The following VAV2 variants were observed in gnomAD, a reference collection of about 807,000 sequenced individuals.
VAV2 encodes vav guanine nucleotide exchange factor 2.
VAV2 carries 67 observed loss-of-function variants against 132.5 expected under a neutral mutation model. That is an observed-to-expected ratio of 0.51 (90% CI 0.42 to 0.62). The LOEUF (loss-of-function observed/expected upper bound fraction) is 0.62. Among genes scored for constraint, VAV2 ranks in the 20% least tolerant of loss-of-function variants. The pLI is 0.00. For synonymous variants in VAV2, 492 were observed against 443.5 expected (o/e 1.11, Z -1.37); for missense variants, 938 against 1,153.6 (o/e 0.81, Z 2.71).
intron 2 of VAV2, among the ~76,000 whole-genome samples, chr9:133,913,311 C>G (rs1338860500): frequency 1.3e-5 from 2 of 152,144 alleles, no homozygotes; most frequent in East Asian, 1.9e-4. Flanking sequence ...GAGACACACA[C>G]GAAAGGTAAG....
Position 133,763,739 on chromosome 9 carries a change from G to T in VAV2, c.*323C>A. On this transcript the variant is annotated 3_prime_UTR_variant, in exon 30 of 30. Coordinates refer to ENST00000371850, the MANE Select transcript of VAV2 (RefSeq NM_001134398.2). The surrounding 1 kb of genome is among the most constrained non-coding windows in gnomAD (Gnocchi z 6.8). Reference sequence around the variant, plus strand: ...TCCTGAAGGCCATCTCAGTTGGACAGGGGCAGGCGATGGGCCTCTGGCCTC... The same window carrying T: ...TCCTGAAGGCCATCTCAGTTGGACATGGGCAGGCGATGGGCCTCTGGCCTC... 2.6e-6 allele frequency: 1 copy of T among 380,202 alleles called. No homozygotes were observed. The highest frequency in any genetic ancestry group is 4.9e-6 in the Non-Finnish European group (1 of 202,606). The allele number at this position is 380,202 out of a possible 1,614,324, so 23.6% of individuals were successfully genotyped here.
chr9:133,941,264 C>T (rs140689379), intron 1 of VAV2, among the ~76,000 whole-genome samples: 9 of 151,902 alleles, frequency 5.9e-5, no homozygotes, highest in African/African-American at 1.5e-4. Context: ...AAAAATTAGC[C>T]GGGCGTGGTG....
intron 16 of VAV2, 83 bp from the exon 17 acceptor site, chr9:133,785,968 C>G: frequency 1.6e-6 from 2 of 1,248,656 alleles, no homozygotes; most frequent in East Asian, 4.8e-5. Flanking sequence ...CTCGCCTGTG[C>G]AGCATGTGCA....
intron 4 of VAV2, among the ~76,000 whole-genome samples, chr9:133,827,293 CT>C (rs1564384223): frequency 3.8e-4 from 7 of 18,444 alleles, no homozygotes; most frequent in Admixed American, 1.3e-3. Flanking sequence ...AGGCTGACCA[CT>C]GAGTGGGGGC....
intron 1 of VAV2, among the ~76,000 whole-genome samples, chr9:133,985,529 A>T (rs1842833613): frequency 6.6e-6 from 1 of 152,078 alleles, no homozygotes; most frequent in Admixed American, 6.6e-5. Context: ...TGATCTGCCC[A>T]CCTAGGCCTC....
At chr9:133,887,900 G>A (rs887885742) in intron 2 of VAV2, among the ~76,000 whole-genome samples, 1 of 152,032 alleles carries the variant, frequency 6.6e-6, no homozygotes, top group Non-Finnish European at 1.5e-5. Flanking sequence ...AAGACGAGGC[G>A]CATTCACAGC....
chr9:133,874,218 G>C (rs1362795003), intron 2 of VAV2, among the ~76,000 whole-genome samples: 1 of 152,228 alleles, frequency 6.6e-6, no homozygotes, highest in Non-Finnish European at 1.5e-5. Flanking sequence ...CCTGCAGCCT[G>C]CAAGGCCAGT....
chr9:133,914,129 A>G (rs1411716740), intron 2 of VAV2, among the ~76,000 whole-genome samples: 2 of 152,230 alleles, frequency 1.3e-5, no homozygotes, highest in African/African-American at 4.8e-5. Context: ...CAGAAAGGCC[A>G]GCCTCCAAAC....
chr9:133,973,893 C>T (rs1381103402), intron 1 of VAV2, among the ~76,000 whole-genome samples: 10 of 149,926 alleles, frequency 6.7e-5, no homozygotes, highest in African/African-American at 2.4e-4. Context: ...GAAAGAACCT[C>T]GGGGCAGAAA....
At chr9:133,962,329 C>T (rs1360864890) in intron 1 of VAV2, among the ~76,000 whole-genome samples, 1 of 152,146 alleles carries the variant, frequency 6.6e-6, no homozygotes, top group Non-Finnish European at 1.5e-5. Context: ...TCAAGTTGGC[C>T]AGCAGAGTCC....
At chr9:133,829,173 G>A (rs1836167860) in intron 4 of VAV2, among the ~76,000 whole-genome samples, 3 of 152,232 alleles carry the variant, frequency 2.0e-5, no homozygotes, top group Admixed American at 1.3e-4. Context: ...TTATGCAAAT[G>A]CAAGGTACTG....
At position 133,796,695 on chromosome 9, in the gene VAV2, A is replaced by T. The variant is rs1220487178; in HGVS notation, c.937-171T>A. On this transcript the variant is annotated intron_variant, in intron 10 of 29. Coordinates refer to ENST00000371850, the MANE Select transcript of VAV2 (RefSeq NM_001134398.2). ...CAGTCCATGCACCAGGTGTGTGCAG[A>T]GGGGGGGGCTTCACAACACATGGCT... 5.3e-5 allele frequency among the ~76,000 whole-genome samples: 8 copies of T among 151,796 alleles called. No individual in the cohort carries two copies. In the East Asian group the frequency reaches 1.4e-3, roughly 26 times the overall value.
chr9:133,861,394 G>T lies in VAV2; in HGVS notation c.360C>A (p.Ile120=), dbSNP rs928990590. Residue 120 remains isoleucine (I), a synonymous_variant, in exon 3 of 30, where the codon ATC becomes ATA. Transcript: ENST00000371850. ...SAVSRLSLHS[I]AQNKGIRPFP... ...CTCACCTGATCCCTTTGTTCTGCGC[G>T]ATGCTGTGCAGGGAGAGCCTCGACA... 6.2e-7 allele frequency: 1 copy of T among 1,613,482 alleles called. No individual in the cohort carries two copies. Among genetic ancestry groups the T allele is most frequent in the Non-Finnish European group, 8.5e-7 (1 of 1,179,774 alleles).
At chr9:133,807,043 C>T (rs1482916626) in intron 8 of VAV2, among the ~76,000 whole-genome samples, 3 of 152,246 alleles carry the variant, frequency 2.0e-5, no homozygotes, top group Admixed American at 1.3e-4. Context: ...CTGCCCTCAC[C>T]CGCAGACAAG....
chr9:133,816,514 A>G (rs574793726), intron 4 of VAV2, among the ~76,000 whole-genome samples: 1 of 152,364 alleles, frequency 6.6e-6, no homozygotes, highest in South Asian at 2.1e-4. Context: ...GGTATGAAGT[A>G]GCAGGGTTCA....
chr9:133,907,825 A>G (rs920250453), intron 2 of VAV2, among the ~76,000 whole-genome samples: 1 of 152,180 alleles, frequency 6.6e-6, no homozygotes, highest in African/African-American at 2.4e-5. Flanking sequence ...CAGACGGCAC[A>G]GTGGGGAGAG....
intron 1 of VAV2, among the ~76,000 whole-genome samples, chr9:133,948,748 G>A (rs1049760459): frequency 9.2e-5 from 14 of 152,204 alleles, no homozygotes; most frequent in Non-Finnish European, 1.3e-4. Flanking sequence ...AACAGCGCCC[G>A]CTGAGTCCGT....
chr9:133,826,806 G>A lies in VAV2; in HGVS notation c.449+7466C>T, dbSNP rs957497886. Among the ~76,000 whole-genome samples, 5 of 152,184 alleles carry A rather than the reference G, an allele frequency of 3.3e-5. No individual in the cohort carries two copies. The highest frequency in any genetic ancestry group is 7.4e-5 in the Non-Finnish European group (5 of 68,026). ...GGGACCTCTGACCTGCCGGCACCAC[G>A]GGAGGGAGGGCAGAGGCAGGCGGCC... On this transcript the variant is annotated intron_variant, in intron 4 of 29. Coordinates refer to ENST00000371850, the MANE Select transcript of VAV2 (RefSeq NM_001134398.2). The surrounding 1 kb of genome is among the most constrained non-coding windows in gnomAD (Gnocchi z 4.2).
At chr9:133,825,591 G>A (rs921907765) in intron 4 of VAV2, among the ~76,000 whole-genome samples, 1 of 152,198 alleles carries the variant, frequency 6.6e-6, no homozygotes, top group Non-Finnish European at 1.5e-5. Flanking sequence ...CCACAACGCG[G>A]ACCTCCCAGA....
Sources: gnomAD v4.1 joint callset for allele counts (sites outside exome capture counted in the v4.1 genomes callset) on GRCh38, gnomAD v4.1.1 for gene constraint, Gnocchi (gnomAD v3.1) non-coding constraint, MANE v1.5 for transcripts, NCBI Gene and HGNC (gene_info 2026-07-23, HGNC 2026-07-21) for gene names.